The following SLC5A11 variants were observed in gnomAD, a reference collection of about 807,000 sequenced individuals.
SLC5A11 encodes the protein solute carrier family 5 member 11, also known as sodium/myo-inositol cotransporter 2.
SLC5A11 carries 48 observed loss-of-function variants against 69.8 expected under a neutral mutation model. The ratio of observed to expected loss-of-function variants is 0.69; its 90% confidence interval spans 0.55 to 0.87. The LOEUF is 0.87. Among genes scored for constraint, SLC5A11 ranks in the 40% least tolerant of loss-of-function variants. The pLI is 0.00. For synonymous variants in SLC5A11, 319 were observed against 342.4 expected (o/e 0.93, Z 0.75); for missense variants, 784 against 866.1 (o/e 0.91, Z 1.19).
At chr16:24,847,281 CTT>C (rs759072417) in intron 1 of SLC5A11, among the ~76,000 whole-genome samples, 3 of 147,278 alleles carry the variant, frequency 2.0e-5, no homozygotes, top group South Asian at 2.2e-4. Flanking sequence ...CTCTGTTTCT[CTT>C]TCTTTTCCCT....
intron 1 of SLC5A11, among the ~76,000 whole-genome samples, chr16:24,849,594 ATATATAT>A (rs1244498910): frequency 2.2e-4 from 12 of 53,954 alleles, no homozygotes; most frequent in African/African-American, 8.5e-4. Context: ...AAAAAAAAAA[ATATATAT>A]ATATATATAT....
In SLC5A11 at chr16:24,906,622, G is replaced by A. The variant is rs375126238; in HGVS notation, c.1007-35G>A. On this transcript the variant is annotated intron_variant, in intron 10 of 15. Coordinates refer to ENST00000347898, the Ensembl canonical transcript of SLC5A11. ...CCTGGGCCTGGGGCTCTGGGGGCCT[G>A]ACTGCTCACCTCTGGGCCTGTGTTT... is the stretch of plus-strand genomic sequence containing the variant. The A allele has an allele frequency of 4.8e-5, 71 of 1,494,060 alleles. No homozygotes were observed. The Middle Eastern group carries it at 7.1e-4, about 15-fold the overall frequency. 92.6% of individuals were successfully genotyped at this position (1,494,060 alleles called of 1,614,324 possible).
intron 10 of SLC5A11, among the ~76,000 whole-genome samples, chr16:24,905,269 CAAAAAAAAAAAAAA>C (rs34703027): frequency 1.2e-5 from 1 of 80,428 alleles, no homozygotes; most frequent in Admixed American, 1.7e-4. Context: ...ACTAAAAATA[CAAAAAAAAAAAAAA>C]AAAAAAAAAA....
At chr16:24,866,483 A>G (rs112964126) in intron 3 of SLC5A11, among the ~76,000 whole-genome samples, 4,531 of 151,588 alleles carry the variant, frequency 0.03, 225 homozygotes, top group African/African-American at 0.1. Flanking sequence ...GGAAGCTGAG[A>G]TGGGAGGATC....
At chr16:24,854,927 C>G (rs1023570880) in intron 1 of SLC5A11, among the ~76,000 whole-genome samples, 1 of 152,026 alleles carries the variant, frequency 6.6e-6, no homozygotes, top group Non-Finnish European at 1.5e-5. Context: ...CACTTTCTTG[C>G]ACAGAGAAAG....
rs111658035 is a variant in SLC5A11, at chr16:24,890,975, C to T, written c.771C>T (p.Ala257=). The T allele has an allele frequency of 2.4e-3, 3,879 of 1,614,168 alleles. 85 individuals are homozygous for T. The African/African-American group carries it at 0.045, about 19-fold the overall frequency. Residue 257 remains alanine (A), a synonymous_variant, in exon 9 of 16, where the codon GCC becomes GCT. Transcript: ENST00000347898. ...GCTGCGGGCTGCCCCGGGAAGATGCCTTCCATATTTTCCGAGATCCGCTGA... is the reference window on the plus strand; with the variant it reads ...GCTGCGGGCTGCCCCGGGAAGATGCTTTCCATATTTTCCGAGATCCGCTGA...
chr16:24,891,461 C>T (rs1423920947), intron 9 of SLC5A11, among the ~76,000 whole-genome samples: 1 of 151,872 alleles, frequency 6.6e-6, no homozygotes. Flanking sequence ...ACTACAGGCA[C>T]ATGCCACCAT....
At chr16:24,882,438 G>A (rs1250956248) in intron 7 of SLC5A11, among the ~76,000 whole-genome samples, 15 of 152,132 alleles carry the variant, frequency 9.9e-5, no homozygotes, top group Non-Finnish European at 2.2e-4. Flanking sequence ...GGGAAGGAAG[G>A]AGGGATCCTG....
chr16:24,885,845 T>C (rs1205510896), intron 8 of SLC5A11, among the ~76,000 whole-genome samples: 2 of 151,710 alleles, frequency 1.3e-5, no homozygotes, highest in African/African-American at 4.8e-5. Flanking sequence ...GTATGAAAGA[T>C]AGAAGTAGAG....
At chr16:24,909,829 T>A (rs1172478638) in intron 14 of SLC5A11, among the ~76,000 whole-genome samples, 1 of 103,914 alleles carries the variant, frequency 9.6e-6, no homozygotes, top group African/African-American at 4.0e-5. Flanking sequence ...AGCCTGTCTT[T>A]AAAAAAAAAA....
intron 1 of SLC5A11, among the ~76,000 whole-genome samples, chr16:24,858,061 T>A (rs1218389399): frequency 6.6e-6 from 1 of 152,220 alleles, no homozygotes; most frequent in Non-Finnish European, 1.5e-5. Flanking sequence ...CTTCACCATC[T>A]GTAAAATGGG....
chr16:24,909,164 C>G (rs1275229246), intron 14 of SLC5A11, 68 bp downstream of exon 15: 4 of 1,518,402 alleles, frequency 2.6e-6, no homozygotes, highest in Non-Finnish European at 3.6e-6. Context: ...CTGACTCAAA[C>G]TGACTTAAGC....
At chr16:24,878,096 A>G (rs80251808) in intron 7 of SLC5A11, among the ~76,000 whole-genome samples, 1 of 152,158 alleles carries the variant, frequency 6.6e-6, no homozygotes, top group African/African-American at 2.4e-5. Flanking sequence ...CGGACGTTGC[A>G]GTGAGCCAAG....
At chr16:24,876,539 G>A (rs553968612) in intron 6 of SLC5A11, among the ~76,000 whole-genome samples, 1 of 152,170 alleles carries the variant, frequency 6.6e-6, no homozygotes, top group Non-Finnish European at 1.5e-5. Context: ...TTCCAGCCAG[G>A]GAGGAGGGAG....
intron 1 of SLC5A11, among the ~76,000 whole-genome samples, chr16:24,851,065 C>T (rs1173146299): frequency 6.6e-6 from 1 of 151,822 alleles, no homozygotes; most frequent in African/African-American, 2.4e-5. Flanking sequence ...CCTGCCTCAG[C>T]CTCCCAAAGT....
chr16:24,870,684 G>A (rs2152299517), intron 4 of SLC5A11, among the ~76,000 whole-genome samples: 1 of 150,210 alleles, frequency 6.7e-6, no homozygotes, highest in Non-Finnish European at 1.5e-5. Context: ...GGAGGCTGAG[G>A]CAGGAGAATC....
chr16:24,885,966 C>T (rs751630859), intron 8 of SLC5A11, among the ~76,000 whole-genome samples: 3 of 150,740 alleles, frequency 2.0e-5, no homozygotes, highest in Admixed American at 6.6e-5. Context: ...TTAAACTCCC[C>T]ACAGGTGGAT....
At chr16:24,900,914 T>C (rs1435529647) in intron 10 of SLC5A11, among the ~76,000 whole-genome samples, 1 of 130,242 alleles carries the variant, frequency 7.7e-6, no homozygotes, top group East Asian at 2.1e-4. Flanking sequence ...CAAGACCCTA[T>C]CTCTAAAAAA....
At position 24,908,749 on chromosome 16, in the gene SLC5A11, A is replaced by T. The variant is rs2152423737; in HGVS notation, c.1435-132A>T. On this transcript the variant is annotated intron_variant, in intron 13 of 15. Transcript: ENST00000347898. ...AAAGATAAATGGTTAAGTATTGCAGAACCTTTTCAAATTGCTGACCCGTGC... is the reference window on the plus strand; with the variant it reads ...AAAGATAAATGGTTAAGTATTGCAGTACCTTTTCAAATTGCTGACCCGTGC... 3 of 692,410 alleles carry T rather than the reference A, an allele frequency of 4.3e-6. No individual in the cohort carries two copies. In the East Asian group the frequency reaches 8.1e-5, roughly 19 times the overall value. The allele number at this position is 692,410 out of a possible 1,614,324, so 42.9% of individuals were successfully genotyped here.
Sources: gnomAD v4.1 joint callset for allele counts (sites outside exome capture counted in the v4.1 genomes callset) on GRCh38, gnomAD v4.1.1 for gene constraint, MANE v1.5 for transcripts, NCBI Gene and HGNC (gene_info 2026-07-23, HGNC 2026-07-21) for gene names.